Variants in SPHK2 observed in about 807,000 individuals in gnomAD.
The protein encoded by SPHK2 is sphingosine kinase 2.
Under a neutral mutation model 32.3 loss-of-function variants are expected in SPHK2, and 18 were observed. The observed-to-expected ratio is 0.56, with a 90% CI of 0.39 to 0.83. The LOEUF is 0.83. SPHK2 is among the 40% of genes least tolerant of loss of function. The pLI is 0.00. For synonymous variants in SPHK2, 462 were observed against 417.6 expected (o/e 1.11, Z -1.30); for missense variants, 850 against 908.7 (o/e 0.94, Z 0.83).
intron 2 of SPHK2, among the ~76,000 whole-genome samples, chr19:48,622,946 G>C (rs1362456749): frequency 6.6e-6 from 1 of 150,700 alleles, no homozygotes; most frequent in Middle Eastern, 3.2e-3. Flanking sequence ...TGTATTTTTA[G>C]TAGAGATGGG....
At chr19:48,619,707 C>A (rs192963906) in intron 1 of SPHK2, 164 bp downstream of exon 1, 1 of 163,170 alleles carries the variant, frequency 6.1e-6, no homozygotes, top group Non-Finnish European at 1.4e-5. Context: ...CCGAGATGAT[C>A]TTGCTGCACC....
At position 48,629,906 on chromosome 19, in the gene SPHK2, C is replaced by A. The variant is rs1601173630; in HGVS notation, c.*133C>A. ...TGGCCCCGTCTCAGGATTGCGCTCG[C>A]TTTCATGGGACCAGACGTGATGCTG... On this transcript the variant is annotated 3_prime_UTR_variant, in exon 7 of 7. Coordinates refer to ENST00000245222, the MANE Select transcript of SPHK2 (RefSeq NM_020126.5). 3.5e-6 allele frequency: 5 copies of A among 1,437,036 alleles called. No homozygotes were observed. The East Asian group carries it at 1.2e-4, about 36-fold the overall frequency. 89.0% of individuals were successfully genotyped at this position (1,437,036 alleles called of 1,614,324 possible).
chr19:48,628,257 A>C lies in SPHK2; in HGVS notation c.852A>C (p.Gly284=), dbSNP rs1376588186. The stretch of plus-strand genomic sequence containing the variant: ...GCGGCTCGGGCAACGCGCTGGCCGG[A>C]GCAGTGAACCAGCACGGGGGGTAGG... ...LPCGSGNALA[G]AVNQHGGFEP... is the part of the protein sequence containing the mutation. Residue 284 remains glycine (G), a synonymous_variant, in exon 6 of 7, where the codon GGA becomes GGC. Transcript: ENST00000245222. The surrounding 1 kb of genome is among the most constrained non-coding windows in gnomAD (Gnocchi z 5.2). The C allele has an allele frequency of 4.3e-6, 7 of 1,613,374 alleles. No homozygotes were observed. Among genetic ancestry groups the C allele is most frequent in the Non-Finnish European group, 5.9e-6 (7 of 1,179,890 alleles).
At position 48,627,837 on chromosome 19, in the gene SPHK2, G is replaced by A; in HGVS notation, c.657G>A (p.Gln219=). 2 of 1,610,736 alleles carry A rather than the reference G, an allele frequency of 1.2e-6. No homozygotes were observed. The highest frequency in any genetic ancestry group is 1.7e-6 in the Non-Finnish European group (2 of 1,178,218). The stretch of plus-strand genomic sequence containing the variant: ...CTGGGCTGTCCTTCAACCTCATCCA[G>A]ACAGGTAAGGGCCAGTGAGAATGGG... ...SEAGLSFNLI[Q]TERQNHAREL... Residue 219 remains glutamine (Q), a synonymous_variant, in exon 4 of 7, where the codon CAG becomes CAA. Coordinates refer to ENST00000245222, the MANE Select transcript of SPHK2 (RefSeq NM_020126.5).
chr19:48,630,064 C>T lies in SPHK2; in HGVS notation c.*291C>T, dbSNP rs924467184. The T allele has an allele frequency of 2.3e-6, 3 of 1,287,932 alleles. No individual in the cohort carries two copies. In the African/African-American group the frequency reaches 4.5e-5, roughly 19 times the overall value. The allele number at this position is 1,287,932 out of a possible 1,614,324, so 79.8% of individuals were successfully genotyped here. A position where few individuals can be genotyped will look rare whatever the true frequency, so the allele number is the denominator to read the frequency against. Reference sequence around the variant, plus strand: ...AGGGCTCAGTCCTGACGCTTGCCACCTGCTCCTACCCGGCCAGGATGGCTG... The same window carrying T: ...AGGGCTCAGTCCTGACGCTTGCCACTTGCTCCTACCCGGCCAGGATGGCTG... On this transcript the variant is annotated 3_prime_UTR_variant, in exon 7 of 7. Coordinates refer to ENST00000245222, the MANE Select transcript of SPHK2 (RefSeq NM_020126.5). The surrounding 1 kb of genome is among the most constrained non-coding windows in gnomAD (Gnocchi z 4.9).
chr19:48,627,723 C>G lies in SPHK2; in HGVS notation c.543C>G (p.Pro181=). 1.2e-6 allele frequency: 2 copies of G among 1,610,662 alleles called. No homozygotes were observed. The highest frequency in any genetic ancestry group is 1.3e-5 in the African/African-American group (1 of 74,984). ...CCCCTGACCTGCTACCTCGGCCGCC[C>G]CGGTTGCTTCTATTGGTCAATCCCT... ...EITPDLLPRP[P]RLLLLVNPFG... The change falls in exon 4 of 7, where the codon CCC becomes CCG. Residue 181 remains proline, a synonymous_variant. Coordinates refer to ENST00000245222, the MANE Select transcript of SPHK2 (RefSeq NM_020126.5).
chr19:48,625,955 A>G lies in SPHK2; in HGVS notation c.104A>G (p.Lys35Arg). The change falls in exon 3 of 7, where the codon AAG (lysine) becomes AGG (arginine). Residue 35 changes from lysine (K) to arginine (R), a missense_variant. Physicochemically the swap from Lys to Arg is conservative, Grantham distance 26. Around this residue, in one of 2 missense-constraint regions of SPHK2, gnomAD observed 544 missense variants for 640.0 expected, o/e 0.85. Transcript: ENST00000245222. ...HGPRSTLVRA[K>R]AMAPPPPPLA... ...CCTAGGAGCACCCTGGTCAGGGCTA[A>G]GGCCATGGCCCCGCCCCCACCGCCA... 1.2e-6 allele frequency: 2 copies of G among 1,612,476 alleles called. No individual in the cohort carries two copies. The highest frequency in any genetic ancestry group is 1.7e-6 in the Non-Finnish European group (2 of 1,179,688).
At chr19:48,624,885 G>A (rs1974543892) in intron 2 of SPHK2, 2 of 982,348 alleles carry the variant, frequency 2.0e-6, no homozygotes, top group African/African-American at 1.8e-5. Flanking sequence ...GGGGTGGGGG[G>A]CTGTCCTGGC....
In SPHK2 at chr19:48,620,489, G is replaced by C; in HGVS notation, c.-26G>C. Reference sequence around the variant, plus strand: ...TAAGACCCAGGGCCAGGGTCCCGTTGATGTAACAGAGCAGAGGACCAGCAG... The same window carrying C: ...TAAGACCCAGGGCCAGGGTCCCGTTCATGTAACAGAGCAGAGGACCAGCAG... On this transcript the variant is annotated 5_prime_UTR_variant, in exon 2 of 7. Coordinates refer to ENST00000245222, the MANE Select transcript of SPHK2 (RefSeq NM_020126.5). 1 of 1,611,346 alleles carries C rather than the reference G, an allele frequency of 6.2e-7. No homozygotes were observed. The highest frequency in any genetic ancestry group is 8.5e-7 in the Non-Finnish European group (1 of 1,178,318).
intron 2 of SPHK2, among the ~76,000 whole-genome samples, chr19:48,621,309 C>T (rs1433315677): frequency 1.3e-5 from 2 of 152,158 alleles, no homozygotes; most frequent in East Asian, 1.9e-4. Flanking sequence ...AAACTCCCGA[C>T]CTCAGGTGAT....
Position 48,629,341 on chromosome 19 carries a change from C to T in SPHK2, c.1533C>T (p.Ser511=). 1 of 1,612,906 alleles carries T rather than the reference C, an allele frequency of 6.2e-7. No homozygotes were observed. The highest frequency in any genetic ancestry group is 8.5e-7 in the Non-Finnish European group (1 of 1,179,812). ...LPTPDARVGA[S]TCGPPDHLLP... The stretch of plus-strand genomic sequence containing the variant: ...CCCCTGATGCCCGGGTAGGGGCCTC[C>T]ACCTGCGGCCCGCCCGACCACCTGC... The change falls in exon 7 of 7, where the codon TCC becomes TCT. Residue 511 remains serine (S), a synonymous_variant. Coordinates refer to ENST00000245222, the MANE Select transcript of SPHK2 (RefSeq NM_020126.5).
Position 48,620,393 on chromosome 19 carries a change from C to A in SPHK2, c.-113-9C>A. The A allele has an allele frequency of 1.3e-6, 1 of 751,584 alleles. No individual in the cohort carries two copies. The highest frequency in any genetic ancestry group is 2.1e-6 in the Non-Finnish European group (1 of 466,450). The allele number at this position is 751,584 out of a possible 1,614,324, so 46.6% of individuals were successfully genotyped here. A position where few individuals can be genotyped will look rare whatever the true frequency, so the allele number is the denominator to read the frequency against. Reference sequence around the variant, plus strand: ...TCAATGCTGCTCCTCACTTACCTCTCCTCCACAGAGCTGAAGGTCAGGCCA... The same window carrying A: ...TCAATGCTGCTCCTCACTTACCTCTACTCCACAGAGCTGAAGGTCAGGCCA... On this transcript the variant is annotated splice_polypyrimidine_tract_variant and intron_variant, in intron 1 of 6. Coordinates refer to ENST00000245222, the MANE Select transcript of SPHK2 (RefSeq NM_020126.5).
Position 48,629,986 on chromosome 19 carries a change from C to G in SPHK2, c.*213C>G. On this transcript the variant is annotated 3_prime_UTR_variant, in exon 7 of 7. Coordinates refer to ENST00000245222, the MANE Select transcript of SPHK2 (RefSeq NM_020126.5). ...AATGGGCTCGTCCCGAGGGTAGTGC[C>G]TGATCAATGAGGGCGGGGCCTGGCG... The G allele has an allele frequency of 7.2e-7, 1 of 1,396,924 alleles. No homozygotes were observed. The highest frequency in any genetic ancestry group is 2.6e-5 in the East Asian group (1 of 38,910). The allele number at this position is 1,396,924 out of a possible 1,614,324, so 86.5% of individuals were successfully genotyped here. A position where few individuals can be genotyped will look rare whatever the true frequency, so the allele number is the denominator to read the frequency against.
chr19:48,623,025 A>C (rs1381107757), intron 2 of SPHK2, among the ~76,000 whole-genome samples: 1 of 151,396 alleles, frequency 6.6e-6, no homozygotes, highest in Non-Finnish European at 1.5e-5. Flanking sequence ...CGGATGGATC[A>C]CGAGGTCAGG....
In SPHK2 at chr19:48,625,894, C is replaced by T; in HGVS notation, c.43C>T (p.Pro15Ser). The change falls in exon 3 of 7, where the codon CCA (proline) becomes TCA (serine). Residue 15 changes from proline (P) to serine (S), a missense_variant. Around this residue, in one of 2 missense-constraint regions of SPHK2, gnomAD observed 544 missense variants for 640.0 expected, o/e 0.85. Transcript: ENST00000245222. ...LEAEEQQDQR[P>S]DQELTGSWGH... ...CTTCTCTCCTCCCTTCCCACAGAGG[C>T]CAGACCAGGAGCTGACCGGGAGCTG... 2 of 1,611,762 alleles carry T rather than the reference C, an allele frequency of 1.2e-6. No homozygotes were observed. The highest frequency in any genetic ancestry group is 1.7e-6 in the Non-Finnish European group (2 of 1,179,758).
At position 48,628,021 on chromosome 19, in the gene SPHK2, T is replaced by G. The variant is rs541765896; in HGVS notation, c.708T>G (p.Ser236Arg). The G allele has an allele frequency of 2.1e-5, 34 of 1,595,402 alleles. 2 individuals carry two copies. The South Asian group carries it at 2.8e-4, about 13-fold the overall frequency. ...AGCTGGTCCAGGGGCTGAGCCTGAG[T>G]GAGTGGGATGGCATCGTCACGGTCT... Reference protein sequence around the residue: ...ARELVQGLSLSEWDGIVTVSG... With the variant: ...ARELVQGLSLREWDGIVTVSG... The change falls in exon 5 of 7, where the codon AGT becomes AGG. Residue 236 changes from serine (S) to arginine (R), a missense_variant. Around this residue, in one of 2 missense-constraint regions of SPHK2, gnomAD observed 544 missense variants for 640.0 expected, o/e 0.85. Coordinates refer to ENST00000245222, the MANE Select transcript of SPHK2 (RefSeq NM_020126.5). The surrounding 1 kb of genome is among the most constrained non-coding windows in gnomAD (Gnocchi z 5.2).
rs779290251 is a variant in SPHK2 at position 48,629,496 on chromosome 19, A to G, written c.1688A>G (p.Asp563Gly). ...LVAAPHARFD[D>G]GLVHLCWVRS... ...GCAGCTCCGCATGCGCGCTTCGACG[A>G]CGGCCTGGTGCACCTGTGCTGGGTG... The change falls in exon 7 of 7, where the codon GAC (aspartate) becomes GGC (glycine). Residue 563 changes from aspartate to glycine, a missense_variant. By Grantham distance (94) the Asp-to-Gly change is moderately conservative. Transcript: ENST00000245222. The G allele has an allele frequency of 6.2e-7, 1 of 1,607,462 alleles. No individual in the cohort carries two copies. The highest frequency in any genetic ancestry group is 1.1e-5 in the South Asian group (1 of 90,534).
intron 2 of SPHK2, chr19:48,625,584 G>A: frequency 3.5e-6 from 5 of 1,420,702 alleles, no homozygotes; most frequent in Non-Finnish European, 4.7e-6. Context: ...AGGATTTGGG[G>A]CTATTTTGTC....
chr19:48,620,300 G>A lies in SPHK2; in HGVS notation c.-113-102G>A, dbSNP rs186472292. On this transcript the variant is annotated intron_variant, in intron 1 of 6. Coordinates refer to ENST00000245222, the MANE Select transcript of SPHK2 (RefSeq NM_020126.5). ...GACTTATCTACTCTTCCCCCCACCCGCCAGGGAGGCCCCTGCCTCTTGGTT... is the reference window on the plus strand; with the variant it reads ...GACTTATCTACTCTTCCCCCCACCCACCAGGGAGGCCCCTGCCTCTTGGTT... 14 of 520,356 alleles carry A rather than the reference G, an allele frequency of 2.7e-5. No homozygotes were observed. The East Asian group carries it at 2.7e-4, about 10-fold the overall frequency. The allele number at this position is 520,356 out of a possible 1,614,324, so 32.2% of individuals were successfully genotyped here.
Sources: allele counts gnomAD v4.1 joint callset (sites outside exome capture counted in the v4.1 genomes callset), GRCh38; gene constraint gnomAD v4.1.1; regional missense constraint gnomAD v4.1.1; non-coding constraint Gnocchi (gnomAD v3.1); transcripts MANE v1.5; gene names NCBI Gene and HGNC (gene_info 2026-07-23, HGNC 2026-07-21).